Variants in PITPNM2 observed in about 807,000 individuals in gnomAD.
PITPNM2 encodes phosphatidylinositol transfer protein membrane associated 2, also known as membrane-associated phosphatidylinositol transfer protein 2.
A neutral mutation model predicts 132.2 loss-of-function variants in PITPNM2; 35 were observed. The observed-to-expected ratio is 0.26, with a 90% CI of 0.20 to 0.35. PITPNM2 has a LOEUF of 0.35. Among genes scored for constraint, PITPNM2 ranks in the 10% least tolerant of loss-of-function variants. The pLI is 1.00. For missense variants in PITPNM2, 1,332 were observed against 1,912.0 expected (o/e 0.70, Z 5.66); for synonymous variants, 738 against 799.2 (o/e 0.92, Z 1.29).
intron 2 of PITPNM2, among the ~76,000 whole-genome samples, chr12:123,094,232 T>C (rs1046192565): frequency 2.0e-5 from 3 of 152,202 alleles, no homozygotes; most frequent in Non-Finnish European, 4.4e-5. Context: ...GCTGTAGACT[T>C]AAAAGGGGCT....
In PITPNM2 at chr12:122,985,281, T is replaced by C. The variant is rs1018728829; in HGVS notation, c.*746A>G. ...AACGTGGGCGGGCGGCCTTGACTGA[T>C]GGCAGGGAGCGGAAGAGGCGGCCAG... On this transcript the variant is annotated 3_prime_UTR_variant, in exon 26 of 26. Coordinates refer to ENST00000320201, the MANE Select transcript of PITPNM2 (RefSeq NM_020845.3). The C allele has an allele frequency of 6.6e-6, 1 of 152,398 alleles. No homozygotes were observed. The highest frequency in any genetic ancestry group is 6.5e-5 in the Admixed American group (1 of 15,274). The allele number at this position is 152,398 out of a possible 1,614,324, so 9.4% of individuals were successfully genotyped here. A position where few individuals can be genotyped will look rare whatever the true frequency, so the allele number is the denominator to read the frequency against.
chr12:123,071,975 C>A (rs1273878471), intron 2 of PITPNM2, among the ~76,000 whole-genome samples: 1 of 152,226 alleles, frequency 6.6e-6, no homozygotes, highest in African/African-American at 2.4e-5. Flanking sequence ...GCAATTAGCA[C>A]AGGCCCAGCA....
chr12:122,989,876 G>A lies in PITPNM2; in HGVS notation c.2642C>T (p.Pro881Leu). The stretch of plus-strand genomic sequence containing the variant: ...TGGAGGGTGGGGGCCAGGGGTGGTG[G>A]GGCTGGGGGCGGGCAGGGCGAGCAG... ...LSLLALPAPSPTTPGPHPPAR... is the reference protein window; with the variant it reads ...LSLLALPAPSLTTPGPHPPAR... Residue 881 changes from proline to leucine, a missense_variant, in exon 18 of 26, where the codon CCC (proline) becomes CTC (leucine). By Grantham distance (98) the Pro-to-Leu change is moderately conservative. Coordinates refer to ENST00000320201, the MANE Select transcript of PITPNM2 (RefSeq NM_020845.3). The A allele has an allele frequency of 3.8e-6, 5 of 1,330,556 alleles. No homozygotes were observed. The highest frequency in any genetic ancestry group is 4.8e-6 in the Non-Finnish European group (5 of 1,035,760). 82.4% of individuals were successfully genotyped at this position (1,330,556 alleles called of 1,614,324 possible).
chr12:123,066,592 T>A (rs544826367), intron 2 of PITPNM2, among the ~76,000 whole-genome samples: 3 of 152,178 alleles, frequency 2.0e-5, no homozygotes, highest in Admixed American at 1.3e-4. Context: ...GCAATGCCCA[T>A]CCTGTGAGAG....
intron 4 of PITPNM2, among the ~76,000 whole-genome samples, chr12:123,012,975 T>A (rs1051657164): frequency 1.1e-4 from 17 of 152,180 alleles, no homozygotes; most frequent in African/African-American, 4.1e-4. Context: ...CCTCAGTGGC[T>A]TCTAGAAGCC....
At position 123,009,499 on chromosome 12, in the gene PITPNM2, GCAGGGAACCTGTCCC is replaced by G. The variant is rs543037155; in HGVS notation, c.643+336_643+350del. On this transcript the variant is annotated intron_variant, in intron 6 of 25. Transcript: ENST00000320201. This position sits in a 1 kb window ranked among gnomAD's most constrained non-coding sequence, Gnocchi z 4.8. ...GGGAGCCCAGAGGCCCAGATGAGCA[GCAGGGAACCTGTCCC>G]CAGGGGCTACTCAGACCTGTGGAGT... Among the ~76,000 whole-genome samples, 55 of 152,320 alleles carry G rather than the reference GCAGGGAACCTGTCCC, an allele frequency of 3.6e-4. No homozygotes were observed. The highest frequency in any genetic ancestry group is 6.2e-4 in the South Asian group (3 of 4,828).
rs548856041 is a variant in PITPNM2 at position 123,127,549 on chromosome 12, C to T, written c.-199-17061G>A. On this transcript the variant is annotated intron_variant, in intron 1 of 25. Transcript: ENST00000320201. ...GAAAACCTAAGACAACGGCTGTATC[C>T]ACTCAAAACATTCATTTTGCAACCT... Among the ~76,000 whole-genome samples, 4 of 152,044 alleles carry T rather than the reference C, an allele frequency of 2.6e-5. No homozygotes were observed. In the East Asian group the frequency reaches 7.7e-4, roughly 29 times the overall value.
At chr12:123,069,695 CAT>C (rs1277436516) in intron 2 of PITPNM2, among the ~76,000 whole-genome samples, 1 of 152,210 alleles carries the variant, frequency 6.6e-6, no homozygotes, top group Non-Finnish European at 1.5e-5. Flanking sequence ...ACTGTAGCCA[CAT>C]GTTTGCCTTG....
rs374449158 is a variant in PITPNM2, at chr12:123,008,419, G to A, written c.643+1431C>T. 3.3e-5 allele frequency among the ~76,000 whole-genome samples: 5 copies of A among 152,182 alleles called. No homozygotes were observed. The highest frequency in any genetic ancestry group is 1.2e-4 in the African/African-American group (5 of 41,444). ...CAGGTTCCTGGAGGTCGAGAAGGGCGGTAGGGGACGCCCTGCCCAGGATAG... is the reference window on the plus strand; with the variant it reads ...CAGGTTCCTGGAGGTCGAGAAGGGCAGTAGGGGACGCCCTGCCCAGGATAG... On this transcript the variant is annotated intron_variant, in intron 6 of 25. Transcript: ENST00000320201. This position sits in a 1 kb window ranked among gnomAD's most constrained non-coding sequence, Gnocchi z 4.1.
At chr12:123,048,785 A>T (rs2040757628) in intron 2 of PITPNM2, among the ~76,000 whole-genome samples, 1 of 152,138 alleles carries the variant, frequency 6.6e-6, no homozygotes, top group South Asian at 2.1e-4. Context: ...GATGGTGGTT[A>T]TGGTTATATA....
intron 2 of PITPNM2, among the ~76,000 whole-genome samples, chr12:123,100,247 A>G (rs1269380869): frequency 1.3e-5 from 2 of 152,350 alleles, no homozygotes; most frequent in East Asian, 1.9e-4. Flanking sequence ...CAATTCCTCA[A>G]ATATGCTGAA....
chr12:123,140,440 G>A (rs182356472), intron 1 of PITPNM2, among the ~76,000 whole-genome samples: 1 of 152,314 alleles, frequency 6.6e-6, no homozygotes, highest in East Asian at 1.9e-4. Flanking sequence ...ATGAGTCAGA[G>A]AACAAGGAAA....
At chr12:123,030,198 AG>A (rs2040032172) in intron 3 of PITPNM2, among the ~76,000 whole-genome samples, 1 of 152,160 alleles carries the variant, frequency 6.6e-6, no homozygotes, top group Admixed American at 6.5e-5. Flanking sequence ...CATACTCACT[AG>A]GGTAGCATTT....
At chr12:123,061,172 C>G (rs527523629) in intron 2 of PITPNM2, among the ~76,000 whole-genome samples, 1 of 152,286 alleles carries the variant, frequency 6.6e-6, no homozygotes, top group Non-Finnish European at 1.5e-5. Flanking sequence ...GTCTTCACAA[C>G]GGGTCACAGT....
chr12:123,048,412 T>G (rs1053839807), intron 2 of PITPNM2, among the ~76,000 whole-genome samples: 15 of 144,306 alleles, frequency 1.0e-4, no homozygotes, highest in African/African-American at 3.3e-4. Context: ...TTTTTTTTTG[T>G]TTTTTTTTTT....
chr12:123,143,488 T>C (rs958514083), intron 1 of PITPNM2, among the ~76,000 whole-genome samples: 5 of 152,132 alleles, frequency 3.3e-5, no homozygotes, highest in Admixed American at 2.0e-4. Flanking sequence ...GTACGAACTC[T>C]TAAGAGGGCA....
At chr12:123,066,218 G>A (rs2041407611) in intron 2 of PITPNM2, among the ~76,000 whole-genome samples, 1 of 152,200 alleles carries the variant, frequency 6.6e-6, no homozygotes, top group South Asian at 2.1e-4. Flanking sequence ...AGGGCTGGAT[G>A]CAGGCAGACA....
intron 2 of PITPNM2, among the ~76,000 whole-genome samples, chr12:123,069,572 A>G (rs1386662258): frequency 2.0e-5 from 3 of 152,120 alleles, no homozygotes; most frequent in Non-Finnish European, 4.4e-5. Context: ...CCCTTCCCCC[A>G]GGTGAAGCTT....
At chr12:123,002,462 G>C (rs2038739569) in intron 8 of PITPNM2, among the ~76,000 whole-genome samples, 1 of 152,082 alleles carries the variant, frequency 6.6e-6, no homozygotes, top group African/African-American at 2.4e-5. Flanking sequence ...GCCCAGGCTG[G>C]AGTGTAGTGG....
Sources: allele counts gnomAD v4.1 joint callset (sites outside exome capture counted in the v4.1 genomes callset), GRCh38; gene constraint gnomAD v4.1.1; non-coding constraint Gnocchi (gnomAD v3.1); transcripts MANE v1.5; gene names NCBI Gene and HGNC (gene_info 2026-07-23, HGNC 2026-07-21).